Variants in SPACA7 observed in about 807,000 individuals in gnomAD.
SPACA7 encodes sperm acrosome associated 7.
Under a neutral mutation model 26.3 loss-of-function variants are expected in SPACA7, and 19 were observed. That is an observed-to-expected ratio of 0.72 (90% CI 0.50 to 1.06). The LOEUF is 1.06. Ranked by LOEUF, SPACA7 falls within the 50% of genes least tolerant of loss-of-function variation. SPACA7 has a pLI of 0.00. For synonymous variants in SPACA7, 84 were observed against 84.5 expected (o/e 0.99, Z 0.04); for missense variants, 211 against 229.9 (o/e 0.92, Z 0.53).
intron 6 of SPACA7, among the ~76,000 whole-genome samples, chr13:112,434,051 C>A (rs1471489208): frequency 1.3e-5 from 2 of 152,124 alleles, no homozygotes; most frequent in East Asian, 3.9e-4. Flanking sequence ...GTGTGGCCGT[C>A]GGCAACAGAA....
intron 4 of SPACA7, among the ~76,000 whole-genome samples, chr13:112,400,535 AAC>A (rs1370130230): frequency 7.2e-5 from 11 of 152,196 alleles, no homozygotes; most frequent in Admixed American, 2.0e-4. Context: ...ATAAAACACT[AAC>A]ACCGTTACTG....
chr13:112,383,185 GAAAGAAAGAAAA>G, intron 1 of SPACA7, among the ~76,000 whole-genome samples: 1 of 129,974 alleles, frequency 7.7e-6, no homozygotes, highest in Non-Finnish European at 1.6e-5. Context: ...AAGAAAGAAA[GAAAGAAAGAAAA>G]GAAAGAAAGA....
At chr13:112,431,706 T>A (rs1195497211) in intron 5 of SPACA7, among the ~76,000 whole-genome samples, 3 of 152,000 alleles carry the variant, frequency 2.0e-5, no homozygotes, top group African/African-American at 2.4e-5. Flanking sequence ...CTGCACGGAG[T>A]TTTGGGAGAA....
chr13:112,425,763 G>A (rs1443436481), intron 5 of SPACA7, among the ~76,000 whole-genome samples: 4 of 152,114 alleles, frequency 2.6e-5, no homozygotes, highest in African/African-American at 9.7e-5. Context: ...GCAGCTCTGG[G>A]GGACACATTG....
intron 1 of SPACA7, among the ~76,000 whole-genome samples, chr13:112,377,238 T>A (rs1373008659): frequency 6.6e-6 from 1 of 152,244 alleles, no homozygotes; most frequent in African/African-American, 2.4e-5. Flanking sequence ...CCCACCTGAT[T>A]ACTCTAGAAT....
At chr13:112,409,484 T>A (rs2138996184) in intron 5 of SPACA7, among the ~76,000 whole-genome samples, 1 of 151,984 alleles carries the variant, frequency 6.6e-6, no homozygotes, top group African/African-American at 2.4e-5. Flanking sequence ...AGGGCTAATA[T>A]CCAGAATCTA....
At chr13:112,378,651 G>T in intron 1 of SPACA7, 1 of 470,878 alleles carries the variant, frequency 2.1e-6, no homozygotes, top group South Asian at 1.6e-5. Context: ...AGGTCTCGAG[G>T]TTCCCAAAGT....
At chr13:112,400,853 C>G (rs944212910) in intron 4 of SPACA7, among the ~76,000 whole-genome samples, 3 of 152,148 alleles carry the variant, frequency 2.0e-5, no homozygotes, top group African/African-American at 7.2e-5. Context: ...GATGTTGGGT[C>G]AAAGGACGTG....
intron 3 of SPACA7, among the ~76,000 whole-genome samples, chr13:112,398,529 G>A (rs2138947739): frequency 6.6e-6 from 1 of 152,180 alleles, no homozygotes; most frequent in Non-Finnish European, 1.5e-5. Flanking sequence ...GAGAGAGCAG[G>A]GCAGTTATCA....
chr13:112,409,639 A>G (rs1218824005), intron 5 of SPACA7, among the ~76,000 whole-genome samples: 2 of 152,218 alleles, frequency 1.3e-5, no homozygotes, highest in Non-Finnish European at 2.9e-5. Flanking sequence ...TGGCCATCAG[A>G]GAAATGCAAA....
intron 5 of SPACA7, among the ~76,000 whole-genome samples, chr13:112,410,648 T>C (rs933536418): frequency 4.6e-5 from 7 of 152,020 alleles, no homozygotes; most frequent in African/African-American, 1.7e-4. Flanking sequence ...ATTAAAAAAA[T>C]AGTGAGTACT....
chr13:112,391,778 A>G (rs146704972), intron 1 of SPACA7, among the ~76,000 whole-genome samples: 5 of 152,360 alleles, frequency 3.3e-5, no homozygotes, highest in East Asian at 1.9e-4. Flanking sequence ...TATTTTTAAC[A>G]AAGCACTTGC....
chr13:112,383,203 A>AAGG, intron 1 of SPACA7, among the ~76,000 whole-genome samples: 3 of 144,122 alleles, frequency 2.1e-5, no homozygotes, highest in Non-Finnish European at 4.7e-5. Flanking sequence ...GAAAAGAAAG[A>AAGG]AAGAAAGGAA....
At chr13:112,412,450 T>C (rs148714590) in intron 5 of SPACA7, among the ~76,000 whole-genome samples, 255 of 152,324 alleles carry the variant, frequency 1.7e-3, no homozygotes, top group African/African-American at 5.9e-3. Context: ...TAGGAGCTTT[T>C]TAGCTTGATA....
intron 1 of SPACA7, among the ~76,000 whole-genome samples, chr13:112,383,178 AAAG>A (rs1884302007): frequency 3.2e-5 from 4 of 125,778 alleles, no homozygotes; most frequent in African/African-American, 1.3e-4. Flanking sequence ...AGAAAGAAAG[AAAG>A]AAAGAAAGAA....
intron 1 of SPACA7, among the ~76,000 whole-genome samples, chr13:112,381,853 C>T (rs910193270): frequency 5.3e-5 from 8 of 152,198 alleles, no homozygotes; most frequent in South Asian, 2.1e-4. Flanking sequence ...TGGGTGGTGC[C>T]GGCTGATCCA....
chr13:112,377,853 A>G (rs1883792426), intron 1 of SPACA7, among the ~76,000 whole-genome samples: 1 of 152,190 alleles, frequency 6.6e-6, no homozygotes, highest in African/African-American at 2.4e-5. Context: ...TCGGGAATTT[A>G]ATGAGGGGAA....
At chr13:112,392,999 T>C (rs771175001) in intron 1 of SPACA7, 22 bp from the exon 2 acceptor site, 7 of 1,599,982 alleles carry the variant, frequency 4.4e-6, no homozygotes, top group Middle Eastern at 3.3e-4. Context: ...TGTTAAACTG[T>C]AGGGTTTTTA....
chr13:112,401,718 C>T (rs528471728), intron 5 of SPACA7, among the ~76,000 whole-genome samples: 1 of 152,208 alleles, frequency 6.6e-6, no homozygotes, highest in East Asian at 1.9e-4. Context: ...ATTTATAGGA[C>T]TTCATCTGCT....
Sources: allele counts gnomAD v4.1 joint callset (sites outside exome capture counted in the v4.1 genomes callset), GRCh38; gene constraint gnomAD v4.1.1; transcripts MANE v1.5; gene names NCBI Gene and HGNC (gene_info 2026-07-23, HGNC 2026-07-21).